Variants in MAMDC2 observed in about 807,000 individuals in gnomAD.
MAMDC2 encodes the protein MAM domain-containing protein 2.
In MAMDC2, 57 loss-of-function variants were observed where a neutral mutation model predicts 89.8. The ratio of observed to expected loss-of-function variants is 0.63; its 90% confidence interval spans 0.51 to 0.79. The LOEUF is 0.79. Ranked by LOEUF, MAMDC2 falls within the 30% of genes least tolerant of loss-of-function variation. The pLI, the probability that MAMDC2 is intolerant of heterozygous loss-of-function variation, is 0.00. For synonymous variants in MAMDC2, 313 were observed against 293.4 expected, an observed-to-expected ratio of 1.07 and a Z score of -0.68; for missense variants, 800 against 820.6, an observed-to-expected ratio of 0.97 and a Z score of 0.31.
intron 12 of MAMDC2, among the ~76,000 whole-genome samples, chr9:70,224,724 C>T (rs1041553768): frequency 5.3e-5 from 8 of 152,186 alleles, no homozygotes; most frequent in Non-Finnish European, 1.0e-4. Flanking sequence ...CCCTCACATA[C>T]ATACTGAGAA....
At chr9:70,151,915 ATG>A (rs1231898162) in intron 9 of MAMDC2, among the ~76,000 whole-genome samples, 2 of 152,172 alleles carry the variant, frequency 1.3e-5, no homozygotes, top group Non-Finnish European at 2.9e-5. Flanking sequence ...ATTCTAAAGC[ATG>A]TCAGGTGTGT....
rs113893481 is a variant in MAMDC2, at chr9:70,138,706, A to G, written c.995-1439A>G. Among the ~76,000 whole-genome samples, 388 of 152,268 alleles carry G rather than the reference A, an allele frequency of 2.5e-3. 4 individuals carry two copies. The highest frequency in any genetic ancestry group is 8.4e-3 in the African/African-American group (351 of 41,552). On this transcript the variant is annotated intron_variant, in intron 7 of 13. Transcript: ENST00000377182. ...TGGCCATTTGTATGTCTTCTCAAAG[A>G]GCAGAAATCTTTTATGTTACCTCCA...
chr9:70,060,096 T>G (rs1286392521), intron 2 of MAMDC2, among the ~76,000 whole-genome samples: 1 of 152,216 alleles, frequency 6.6e-6, no homozygotes, highest in Non-Finnish European at 1.5e-5. Flanking sequence ...TCTGATATTT[T>G]TCTTGTGGAT....
intron 2 of MAMDC2, among the ~76,000 whole-genome samples, chr9:70,091,247 A>G (rs963642285): frequency 6.6e-6 from 1 of 152,174 alleles, no homozygotes; most frequent in Admixed American, 6.6e-5. Flanking sequence ...ACTGAGAGAC[A>G]TCATTTGTGT....
At chr9:70,062,874 A>C (rs1385828323) in intron 2 of MAMDC2, 1 of 152,216 alleles carries the variant, frequency 6.6e-6, no homozygotes, top group Non-Finnish European at 1.5e-5. Context: ...TATTCATTCA[A>C]CAAGTATCTA....
At chr9:70,082,344 A>G (rs554453630) in intron 2 of MAMDC2, among the ~76,000 whole-genome samples, 2 of 152,322 alleles carry the variant, frequency 1.3e-5, no homozygotes, top group South Asian at 4.1e-4. Flanking sequence ...AGCTACAGAA[A>G]TCTCTATGAA....
chr9:70,065,135 A>G (rs1827236384), intron 2 of MAMDC2, among the ~76,000 whole-genome samples: 1 of 152,236 alleles, frequency 6.6e-6, no homozygotes, highest in African/African-American at 2.4e-5. Context: ...ATTACGAGCT[A>G]CTTATCCAAA....
intron 11 of MAMDC2, among the ~76,000 whole-genome samples, chr9:70,199,785 AT>A (rs1376432802): frequency 8.3e-5 from 12 of 145,430 alleles, no homozygotes; most frequent in Non-Finnish European, 1.7e-4. Flanking sequence ...TTTGATTTGC[AT>A]TTCTCTGAGG....
At chr9:70,121,912 T>C (rs1490161730) in intron 5 of MAMDC2, among the ~76,000 whole-genome samples, 2 of 152,146 alleles carry the variant, frequency 1.3e-5, no homozygotes, top group Non-Finnish European at 2.9e-5. Context: ...CACCTACCCA[T>C]TGACTCCTCT....
intron 11 of MAMDC2, chr9:70,216,425 A>AAGAG (rs1020296190): frequency 7.6e-6 from 1 of 132,030 alleles, no homozygotes; most frequent in Admixed American, 7.4e-5. Flanking sequence ...TGTGCGCCTG[A>AAGAG]AGAGAGAGAG....
At chr9:70,064,594 T>C (rs1563937785) in intron 2 of MAMDC2, among the ~76,000 whole-genome samples, 1 of 152,196 alleles carries the variant, frequency 6.6e-6, no homozygotes, top group African/African-American at 2.4e-5. Flanking sequence ...TGTGAGTGTG[T>C]GTGAGTGTTT....
At chr9:70,063,418 T>A (rs577503251) in intron 2 of MAMDC2, among the ~76,000 whole-genome samples, 18 of 152,256 alleles carry the variant, frequency 1.2e-4, no homozygotes, top group Non-Finnish European at 2.2e-4. Flanking sequence ...GAATGAGAGA[T>A]GGAGTGAGCA....
At chr9:70,055,065 C>T (rs1431766377) in intron 2 of MAMDC2, among the ~76,000 whole-genome samples, 1 of 151,976 alleles carries the variant, frequency 6.6e-6, no homozygotes. Flanking sequence ...AAAAACAAAA[C>T]AACACAAAAA....
rs140607127 is a variant in MAMDC2, at chr9:70,193,506, T to G, written c.1651+22875T>G. The stretch of plus-strand genomic sequence containing the variant: ...GCTTGCCTGTAATTAGATGTACAAT[T>G]TAAGCAATGATCATATTACATTTGA... On this transcript the variant is annotated intron_variant, in intron 11 of 13. Coordinates refer to ENST00000377182, the MANE Select transcript of MAMDC2 (RefSeq NM_153267.5). Among the ~76,000 whole-genome samples, 363 of 152,236 alleles carry G rather than the reference T, an allele frequency of 2.4e-3. 3 individuals carry two copies. Among genetic ancestry groups the G allele is most frequent in the Admixed American group, 0.019 (295 of 15,258 alleles).
intron 9 of MAMDC2, chr9:70,154,194 G>GT (rs1468808829): frequency 1.3e-5 from 2 of 152,130 alleles, no homozygotes; most frequent in Non-Finnish European, 2.9e-5. Context: ...ACGGCTCCAT[G>GT]TTTTTTGTTT....
At chr9:70,216,168 A>C (rs1271012731) in intron 11 of MAMDC2, 4 of 152,230 alleles carry the variant, frequency 2.6e-5, no homozygotes, top group Non-Finnish European at 5.9e-5. Flanking sequence ...TACTTTGTAA[A>C]GATTACTTTT....
At chr9:70,152,485 T>C (rs897925208) in intron 9 of MAMDC2, among the ~76,000 whole-genome samples, 2 of 152,112 alleles carry the variant, frequency 1.3e-5, no homozygotes, top group African/African-American at 4.8e-5. Context: ...AAGGACATTG[T>C]TCAGCATTAC....
In MAMDC2 at chr9:70,198,971, A is replaced by T. The variant is rs2033036450; in HGVS notation, c.1652-19366A>T. On this transcript the variant is annotated intron_variant, in intron 11 of 13. Coordinates refer to ENST00000377182, the MANE Select transcript of MAMDC2 (RefSeq NM_153267.5). The stretch of plus-strand genomic sequence containing the variant: ...AGACATGTAGGAATGCTATCCAGTG[A>T]GTCTGTAACTATCTGAGGAATTAGC... Among the ~76,000 whole-genome samples, 3 of 152,098 alleles carry T rather than the reference A, an allele frequency of 2.0e-5. No homozygotes were observed. The South Asian group carries it at 6.2e-4, about 31-fold the overall frequency.
intron 11 of MAMDC2, among the ~76,000 whole-genome samples, chr9:70,181,241 T>C (rs2032639189): frequency 1.3e-5 from 2 of 152,230 alleles, no homozygotes; most frequent in Admixed American, 6.5e-5. Flanking sequence ...ACCATGCTGT[T>C]TTGGTTACTG....
Sources: gnomAD v4.1 joint callset for allele counts (sites outside exome capture counted in the v4.1 genomes callset) on GRCh38, gnomAD v4.1.1 for gene constraint, MANE v1.5 for transcripts, NCBI Gene and HGNC (gene_info 2026-07-23, HGNC 2026-07-21) for gene names.